The following PALMD variants were observed in gnomAD, a reference collection of about 807,000 sequenced individuals.
The protein encoded by PALMD is palmdelphin.
Under a neutral mutation model 56.2 loss-of-function variants are expected in PALMD, and 42 were observed. That is an observed-to-expected ratio of 0.75 (90% CI 0.58 to 0.97). The LOEUF is 0.97. Among genes scored for constraint, PALMD ranks in the 50% least tolerant of loss-of-function variants. The pLI, the probability that PALMD is intolerant of heterozygous loss-of-function variation, is 0.00. For missense variants in PALMD, 660 were observed against 643.8 expected, an observed-to-expected ratio of 1.03 and a Z score of -0.27; for synonymous variants, 242 against 222.9, an observed-to-expected ratio of 1.09 and a Z score of -0.76.
intron 3 of PALMD, among the ~76,000 whole-genome samples, chr1:99,673,754 A>G (rs996127379): frequency 6.6e-6 from 1 of 152,224 alleles, no homozygotes; most frequent in Non-Finnish European, 1.5e-5. Context: ...AAAGCAAAAA[A>G]GGGAAGAAGT....
In PALMD at chr1:99,660,690, A is replaced by T. The variant is rs530603304; in HGVS notation, c.46-1629A>T. 4.6e-5 allele frequency among the ~76,000 whole-genome samples: 7 copies of T among 152,206 alleles called. No homozygotes were observed. The South Asian group carries it at 1.5e-3, about 32-fold the overall frequency. On this transcript the variant is annotated intron_variant, in intron 1 of 7. Transcript: ENST00000263174. ...CGAAATTTTAAAAGTAAGCTGATAT[A>T]GCCTGAGTCACATAGTGAGACCCTG...
Position 99,689,863 on chromosome 1 carries a change from T to A in PALMD, c.1603T>A (p.Ser535Thr). 6.3e-7 allele frequency: 1 copy of A among 1,599,282 alleles called. No individual in the cohort carries two copies. Among genetic ancestry groups the A allele is most frequent in the South Asian group, 1.1e-5 (1 of 89,070 alleles). ...AACTGGAGATGGGACTGAGGATCCA[T>A]CCTTAACAGGTAATAAAAATGACAA... is the stretch of plus-strand genomic sequence containing the variant. ...QTTGDGTEDP[S>T]LTALRMRMAK... Residue 535 changes from serine to threonine, a missense_variant, in exon 7 of 8, where the codon TCC becomes ACC. Physicochemically the swap from Ser to Thr is moderately conservative, Grantham distance 58 (BLOSUM62 1). Transcript: ENST00000263174.
rs138048573 is a variant in PALMD at position 99,688,954 on chromosome 1, G to A, written c.694G>A (p.Asp232Asn). ...SNHSAAYNGT[D>N]GLAPVEVEEL... ...TCACAGTGCAGCATACAATGGCACC[G>A]ATGGCCTGGCACCAGTTGAAGTAGA... The change falls in exon 7 of 8, where the codon GAT (aspartate) becomes AAT (asparagine). Residue 232 changes from aspartate (D) to asparagine (N), a missense_variant. Transcript: ENST00000263174. 5.9e-4 allele frequency: 950 copies of A among 1,613,506 alleles called. 5 individuals carry two copies. The African/African-American group carries it at 9.0e-3, about 15-fold the overall frequency.
intron 2 of PALMD, among the ~76,000 whole-genome samples, chr1:99,666,019 A>T (rs1652951209): frequency 6.6e-6 from 1 of 152,174 alleles, no homozygotes; most frequent in African/African-American, 2.4e-5. Flanking sequence ...TATATCGTCC[A>T]CATGCAGTTG....
chr1:99,667,728 C>T lies in PALMD; in HGVS notation c.213C>T (p.Asp71=), dbSNP rs939946729. ...AGATGAAGAAGCAAAATCAACAAGA[C>T]CAGCACCAGATCCAGGTTCTAGAAC... ...QEEMKKQNQQ[D]QHQIQVLEQS... The change falls in exon 3 of 8, where the codon GAC becomes GAT. Residue 71 remains aspartate (D), a synonymous_variant. Transcript: ENST00000263174. 8 of 1,613,300 alleles carry T rather than the reference C, an allele frequency of 5.0e-6. No individual in the cohort carries two copies. The highest frequency in any genetic ancestry group is 6.8e-6 in the Non-Finnish European group (8 of 1,179,494).
chr1:99,646,512 T>A, intron 1 of PALMD, 150 bp downstream of exon 1: 1 of 655,916 alleles, frequency 1.5e-6, no homozygotes, highest in Non-Finnish European at 2.8e-6. Flanking sequence ...TTAACCCTCA[T>A]GACCCTCTGT....
intron 3 of PALMD, among the ~76,000 whole-genome samples, chr1:99,672,215 T>C (rs1417872797): frequency 6.6e-6 from 1 of 152,192 alleles, no homozygotes; most frequent in African/African-American, 2.4e-5. Flanking sequence ...TTTCTGTCTC[T>C]GAGTTACATT....
At chr1:99,679,483 A>G (rs1308882995) in intron 3 of PALMD, among the ~76,000 whole-genome samples, 1 of 152,192 alleles carries the variant, frequency 6.6e-6, no homozygotes, top group African/African-American at 2.4e-5. Context: ...CCGGACTTCA[A>G]TCCTTGTTAG....
At chr1:99,655,898 G>A (rs533784432) in intron 1 of PALMD, among the ~76,000 whole-genome samples, 1 of 152,066 alleles carries the variant, frequency 6.6e-6, no homozygotes, top group African/African-American at 2.4e-5. Context: ...CAGTCATCTT[G>A]TGCCTTTATC....
intron 1 of PALMD, among the ~76,000 whole-genome samples, chr1:99,646,580 T>C (rs933172156): frequency 1.3e-5 from 2 of 152,256 alleles, no homozygotes; most frequent in Non-Finnish European, 2.9e-5. Flanking sequence ...TCAAAAAGGC[T>C]GTGCCTGCAT....
chr1:99,678,283 T>C (rs994166941), intron 3 of PALMD, among the ~76,000 whole-genome samples: 1 of 152,018 alleles, frequency 6.6e-6, no homozygotes, highest in African/African-American at 2.4e-5. Flanking sequence ...TTTTGTATTT[T>C]TAGTAGAGAC....
At chr1:99,654,096 G>T (rs1652656127) in intron 1 of PALMD, among the ~76,000 whole-genome samples, 1 of 151,994 alleles carries the variant, frequency 6.6e-6, no homozygotes. Flanking sequence ...CATCACCCCT[G>T]GAATCATAGA....
At position 99,689,402 on chromosome 1, in the gene PALMD, A is replaced by C. The variant is rs1408500543; in HGVS notation, c.1142A>C (p.His381Pro). Residue 381 changes from histidine (H) to proline (P), a missense_variant, in exon 7 of 8, where the codon CAC (histidine) becomes CCC (proline). Physicochemically the swap from His to Pro is moderately conservative, Grantham distance 77 (BLOSUM62 -2). Coordinates refer to ENST00000263174, the MANE Select transcript of PALMD (RefSeq NM_017734.5). ...PRETIFGKSE[H>P]QNSSPTCQED... ...GAGACAATATTTGGGAAATCTGAAC[A>C]CCAGAATTCTTCACCCACTTGTCAG... 3.7e-6 allele frequency: 6 copies of C among 1,613,692 alleles called. No homozygotes were observed. The highest frequency in any genetic ancestry group is 5.1e-6 in the Non-Finnish European group (6 of 1,179,852).
Position 99,689,701 on chromosome 1 carries a change from C to T in PALMD, c.1441C>T (p.Leu481Phe), listed in dbSNP as rs1653611491. The T allele has an allele frequency of 6.2e-7, 1 of 1,613,842 alleles. No individual in the cohort carries two copies. The highest frequency in any genetic ancestry group is 8.5e-7 in the Non-Finnish European group (1 of 1,179,858). ...GTACCAGCCAGCCAAACCAACACCACTTCCTAGAAAAAGATCAGAAGCTAG... is the reference window on the plus strand; with the variant it reads ...GTACCAGCCAGCCAAACCAACACCATTTCCTAGAAAAAGATCAGAAGCTAG... ...QVYQPAKPTP[L>F]PRKRSEASPH... is the part of the protein sequence containing the mutation. The change falls in exon 7 of 8, where the codon CTT (leucine) becomes TTT (phenylalanine). Residue 481 changes from leucine to phenylalanine, a missense_variant. Leu to Phe is a conservative substitution (Grantham distance 22). Coordinates refer to ENST00000263174, the MANE Select transcript of PALMD (RefSeq NM_017734.5).
Position 99,686,663 on chromosome 1 carries a change from T to A in PALMD, c.252-13T>A, listed in dbSNP as rs542449661. The A allele has an allele frequency of 4.2e-6, 6 of 1,424,480 alleles. No homozygotes were observed. The East Asian group carries it at 1.1e-4, about 27-fold the overall frequency. The allele number at this position is 1,424,480 out of a possible 1,614,324, so 88.2% of individuals were successfully genotyped here. ...TGTGTTAAGCAATAAAAAGTATACC[T>A]TTTTGTTGTCAGGCTTGAGAAAGAG... On this transcript the variant is annotated splice_polypyrimidine_tract_variant and intron_variant, in intron 3 of 7. Transcript: ENST00000263174.
chr1:99,650,915 G>A (rs1325968009), intron 1 of PALMD, among the ~76,000 whole-genome samples: 8 of 152,160 alleles, frequency 5.3e-5, no homozygotes, highest in East Asian at 1.9e-4. Flanking sequence ...ACCCTAACAC[G>A]TGTTTGGATC....
In PALMD at chr1:99,650,265, C is replaced by T. The variant is rs182602535; in HGVS notation, c.45+3903C>T. ...TTTGAGCAACAGAGCCAGATTTTGC[C>T]GGCCAAAGCTGCTCATAATGAAAAA... On this transcript the variant is annotated intron_variant, in intron 1 of 7. Coordinates refer to ENST00000263174, the MANE Select transcript of PALMD (RefSeq NM_017734.5). Among the ~76,000 whole-genome samples the T allele has an allele frequency of 4.1e-3, 554 of 133,536 alleles. 5 individuals carry two copies. The highest frequency in any genetic ancestry group is 0.012 in the African/African-American group (402 of 34,264). The allele number at this position is 133,536 out of a possible 152,430, so 87.6% of individuals were successfully genotyped here. A position where few individuals can be genotyped will look rare whatever the true frequency, so the allele number is the denominator to read the frequency against.
At chr1:99,649,898 G>T (rs916119717) in intron 1 of PALMD, among the ~76,000 whole-genome samples, 3 of 152,094 alleles carry the variant, frequency 2.0e-5, no homozygotes, top group Non-Finnish European at 2.9e-5. Context: ...TTCTCCTCCA[G>T]GCTTACCTTT....
At chr1:99,692,186 C>T (rs961740477) in intron 7 of PALMD, among the ~76,000 whole-genome samples, 1 of 152,178 alleles carries the variant, frequency 6.6e-6, no homozygotes, top group Non-Finnish European at 1.5e-5. Context: ...TAGTCCTCAC[C>T]AACCTATTCT....
Sources: gnomAD v4.1 joint callset for allele counts (sites outside exome capture counted in the v4.1 genomes callset) on GRCh38, gnomAD v4.1.1 for gene constraint, MANE v1.5 for transcripts, NCBI Gene and HGNC (gene_info 2026-07-23, HGNC 2026-07-21) for gene names.